The following PADI2 variants were observed in gnomAD, a reference collection of about 807,000 sequenced individuals.
PADI2 encodes the protein peptidyl arginine deiminase 2.
A neutral mutation model predicts 81.1 loss-of-function variants in PADI2; 70 were observed. The ratio of observed to expected loss-of-function variants is 0.86; its 90% CI spans 0.71 to 1.05. PADI2 has a LOEUF of 1.05. Ranked by LOEUF, PADI2 falls within the 50% of genes least tolerant of loss-of-function variation. PADI2 has a pLI of 0.00. For missense variants in PADI2, 853 were observed against 889.9 expected, an observed-to-expected ratio of 0.96 and a Z score of 0.53; for synonymous variants, 338 against 358.0, an observed-to-expected ratio of 0.94 and a Z score of 0.63.
At chr1:17,082,496 A>C in intron 10 of PADI2, 49 bp downstream of exon 10, 2 of 1,200,260 alleles carry the variant, frequency 1.7e-6, no homozygotes, top group South Asian at 1.2e-5. Flanking sequence ...CTGTCTTATG[A>C]GAATCTCCAG....
At chr1:17,077,883 T>A (rs1344785747) in intron 11 of PADI2, among the ~76,000 whole-genome samples, 1 of 152,052 alleles carries the variant, frequency 6.6e-6, no homozygotes, top group Non-Finnish European at 1.5e-5. Flanking sequence ...CAAGGAAGAA[T>A]CTGTCTTTTC....
At chr1:17,073,744 C>T (rs2078281422) in intron 13 of PADI2, among the ~76,000 whole-genome samples, 2 of 152,000 alleles carry the variant, frequency 1.3e-5, no homozygotes, top group South Asian at 4.2e-4. Context: ...CATGTACCCC[C>T]TAAATCTAAA....
chr1:17,104,486 G>C (rs1374305668), intron 2 of PADI2, among the ~76,000 whole-genome samples: 4 of 107,732 alleles, frequency 3.7e-5, no homozygotes, highest in African/African-American at 1.5e-4. Flanking sequence ...CCAGGCTGGA[G>C]TGCAGTGGTG....
Position 17,105,064 on chromosome 1 carries a change from G to GTGGGGAGAGATGAGAGAGGGT in PADI2, c.93-24_93-4dup. On this transcript the variant is annotated splice_polypyrimidine_tract_variant and splice_region_variant and intron_variant, in intron 1 of 15. Transcript: ENST00000375486. ...TTTGGGCCCCGGCTGGGGCCGCGCT[G>GTGGGGAGAGATGAGAGAGGGT]TGGGGAGAGATGAGAGAGGGTTAGG... The GTGGGGAGAGATGAGAGAGGGT allele has an allele frequency of 6.4e-7, 1 of 1,559,150 alleles. No homozygotes were observed. Among genetic ancestry groups the GTGGGGAGAGATGAGAGAGGGT allele is most frequent in the Admixed American group, 1.7e-5 (1 of 57,196 alleles).
At chr1:17,110,570 T>C (rs1316496333) in intron 1 of PADI2, among the ~76,000 whole-genome samples, 1 of 152,218 alleles carries the variant, frequency 6.6e-6, no homozygotes, top group Non-Finnish European at 1.5e-5. Flanking sequence ...TACAAGAATA[T>C]CCAAACTCTT....
At chr1:17,079,822 T>A (rs1003856363) in intron 10 of PADI2, among the ~76,000 whole-genome samples, 2 of 149,668 alleles carry the variant, frequency 1.3e-5, no homozygotes, top group African/African-American at 4.9e-5. Flanking sequence ...TGAGATGGAG[T>A]CTTGCTCTGT....
intron 6 of PADI2, among the ~76,000 whole-genome samples, chr1:17,092,085 G>A (rs1017245257): frequency 6.6e-6 from 1 of 152,046 alleles, no homozygotes; most frequent in Non-Finnish European, 1.5e-5. Context: ...TGGAGGTGGT[G>A]CCTGCCCTGC....
chr1:17,071,468 G>T lies in PADI2; in HGVS notation c.1573C>A (p.Arg525=). 6.2e-7 allele frequency: 1 copy of T among 1,613,948 alleles called. No individual in the cohort carries two copies. The highest frequency in any genetic ancestry group is 8.5e-7 in the Non-Finnish European group (1 of 1,179,838). Residue 525 remains arginine (R), a synonymous_variant, in exon 14 of 16, where the codon CGA becomes AGA. Transcript: ENST00000375486. ...FKGLGGMSSK[R]ITINKILSNE... ...GACAGAATCTTGTTGATGGTGATTC[G>T]CTTGCTGCTCATCCCACCCAAGCCT...
chr1:17,075,852 C>T (rs2647205), intron 11 of PADI2, 29 bp from the exon 12 acceptor site: 1,571,451 of 1,610,610 alleles, frequency 0.98, 766,664 homozygotes, highest in East Asian at 0.99. Flanking sequence ...GGAGTTTCAG[C>T]AAATTACCCA....
rs1400772025 is a variant in PADI2 at position 17,086,502 on chromosome 1, G to A, written c.834+19C>T. The A allele has an allele frequency of 6.2e-7, 1 of 1,601,976 alleles. No homozygotes were observed. The highest frequency in any genetic ancestry group is 1.7e-5 in the Admixed American group (1 of 58,780). On this transcript the variant is annotated intron_variant, in intron 7 of 15. Transcript: ENST00000375486. ...GCCCCTGGGGTTAGCCCCCTGTGGT[G>A]GAGGCCTGGAGCCCTCACCTGGGCC...
At chr1:17,087,190 C>T (rs911235506) in intron 6 of PADI2, among the ~76,000 whole-genome samples, 1 of 152,140 alleles carries the variant, frequency 6.6e-6, no homozygotes, top group Non-Finnish European at 1.5e-5. Flanking sequence ...CCCATTATAC[C>T]AAAAATTCCC....
chr1:17,069,266 G>T lies in PADI2; in HGVS notation c.1776C>A (p.Ile592=), dbSNP rs757232277. The T allele has an allele frequency of 4.3e-6, 7 of 1,613,688 alleles. No homozygotes were observed. In the Admixed American group the frequency reaches 1.0e-4, roughly 23 times the overall value. The part of the protein sequence containing the change: ...RAFFPNMVNM[I]VLDKDLGIPK... ...GGATGCCCAGGTCCTTGTCCAGCACGATCATGTTCACCTGTGACGGGGGAT... is the reference window on the plus strand; with the variant it reads ...GGATGCCCAGGTCCTTGTCCAGCACTATCATGTTCACCTGTGACGGGGGAT... The change falls in exon 16 of 16, where the codon ATC becomes ATA. Residue 592 remains isoleucine, a synonymous_variant. Coordinates refer to ENST00000375486, the MANE Select transcript of PADI2 (RefSeq NM_007365.3).
intron 10 of PADI2, among the ~76,000 whole-genome samples, chr1:17,081,667 T>G (rs1025310631): frequency 2.0e-5 from 3 of 152,188 alleles, no homozygotes; most frequent in Admixed American, 6.5e-5. Flanking sequence ...TCCCCCAGCC[T>G]GTTCAGGGCA....
intron 13 of PADI2, among the ~76,000 whole-genome samples, chr1:17,073,823 C>G (rs2078281904): frequency 6.6e-6 from 1 of 152,184 alleles, no homozygotes; most frequent in South Asian, 2.1e-4. Context: ...GGCTGGTTGT[C>G]TCCACCTGAT....
intron 11 of PADI2, among the ~76,000 whole-genome samples, chr1:17,078,824 T>C (rs1227218891): frequency 6.6e-6 from 1 of 152,092 alleles, no homozygotes; most frequent in African/African-American, 2.4e-5. Context: ...GCTTCCTGAG[T>C]AGCTGGGACT....
At chr1:17,092,835 G>T (rs1037663276) in intron 5 of PADI2, among the ~76,000 whole-genome samples, 12 of 151,124 alleles carry the variant, frequency 7.9e-5, no homozygotes, top group African/African-American at 2.9e-4. Context: ...TGTAATCCTG[G>T]CTACTCAGGA....
chr1:17,093,668 C>A lies in PADI2; in HGVS notation c.428G>T (p.Gly143Val), dbSNP rs201038666. 4.3e-6 allele frequency: 7 copies of A among 1,612,096 alleles called. No individual in the cohort carries two copies. The East Asian group carries it at 1.3e-4, about 31-fold the overall frequency. Residue 143 changes from glycine (G) to valine (V), a missense_variant, in exon 5 of 16, where the codon GGC becomes GTC. By Grantham distance (109) the Gly-to-Val change is moderately radical. Coordinates refer to ENST00000375486, the MANE Select transcript of PADI2 (RefSeq NM_007365.3). ...NNPKKASWTW[G>V]PEGQGAILLV... is the part of the protein sequence containing the mutation. ...CAGGATGGCCCCCTGGCCCTCGGGG[C>A]CCCAGGTCCAGGATGCCTACAGTGG...
rs1340518535 is a variant in PADI2 at position 17,104,153 on chromosome 1, T to C, written c.276+725A>G. Among the ~76,000 whole-genome samples the C allele has an allele frequency of 1.8e-4, 25 of 142,172 alleles. No individual in the cohort carries two copies. In the East Asian group the frequency reaches 5.4e-3, roughly 31 times the overall value. 93.3% of individuals were successfully genotyped at this position (142,172 alleles called of 152,430 possible). A position where few individuals can be genotyped will look rare whatever the true frequency, so the allele number is the denominator to read the frequency against. The stretch of plus-strand genomic sequence containing the variant: ...AAAAAAAAAAAAAATTAGCTAGGCA[T>C]AGGGCAGGCGTCTGTAGTCCCAGCT... On this transcript the variant is annotated intron_variant, in intron 2 of 15. Transcript: ENST00000375486.
At chr1:17,072,017 G>A (rs542043345) in intron 13 of PADI2, among the ~76,000 whole-genome samples, 45 of 152,298 alleles carry the variant, frequency 3.0e-4, no homozygotes, top group South Asian at 8.3e-4. Flanking sequence ...CTATGTGGCC[G>A]ACGCTCTTCT....
Sources: gnomAD v4.1 joint callset for allele counts (sites outside exome capture counted in the v4.1 genomes callset) on GRCh38, gnomAD v4.1.1 for gene constraint, MANE v1.5 for transcripts, NCBI Gene and HGNC (gene_info 2026-07-23, HGNC 2026-07-21) for gene names.